PDSS2: variants seen among roughly 807,000 people sequenced by gnomAD.
PDSS2 encodes the protein decaprenyl diphosphate synthase subunit 2.
In PDSS2, 31 loss-of-function variants were observed where a neutral mutation model predicts 44.5. The ratio of observed to expected loss-of-function variants is 0.70; its 90% CI spans 0.52 to 0.94. The LOEUF is 0.94. PDSS2 is among the 40% of genes least tolerant of loss of function. The probability of loss-of-function intolerance (pLI) is 0.00; values close to 1 mark genes in which losing one functional copy is unlikely to be tolerated. For missense variants in PDSS2, 452 were observed against 482.2 expected (o/e 0.94, Z 0.59); for synonymous variants, 157 against 180.3 (o/e 0.87, Z 1.03).
chr6:107,318,707 C>T (rs377270237), intron 2 of PDSS2, among the ~76,000 whole-genome samples: 4 of 152,076 alleles, frequency 2.6e-5, no homozygotes, highest in Middle Eastern at 3.2e-3. Context: ...GTTCATCGGC[C>T]GGGCACGGTG....
At chr6:107,336,699 C>G (rs566047400) in intron 1 of PDSS2, among the ~76,000 whole-genome samples, 4 of 151,498 alleles carry the variant, frequency 2.6e-5, no homozygotes, top group African/African-American at 9.7e-5. Context: ...CAACTTTTAA[C>G]TTAGGCTACT....
chr6:107,407,135 T>C (rs1780346418), intron 1 of PDSS2, among the ~76,000 whole-genome samples: 1 of 152,204 alleles, frequency 6.6e-6, no homozygotes, highest in East Asian at 1.9e-4. Context: ...AAAGAAATTC[T>C]GATATATGCT....
intron 2 of PDSS2, among the ~76,000 whole-genome samples, chr6:107,287,530 T>C (rs949352035): frequency 6.6e-6 from 1 of 152,224 alleles, no homozygotes; most frequent in African/African-American, 2.4e-5. Context: ...ATTTTCATTT[T>C]ATTTTTTTTG....
intron 1 of PDSS2, among the ~76,000 whole-genome samples, chr6:107,347,347 GGGTTCAAGCGATTCTCCC>G (rs1332800915): frequency 6.8e-6 from 1 of 146,780 alleles, no homozygotes; most frequent in African/African-American, 2.5e-5. Flanking sequence ...TCCACATCCC[GGGTTCAAGCGATTCTCCC>G]GATTCAAGCG....
chr6:107,305,647 T>G (rs1056572094), intron 2 of PDSS2, among the ~76,000 whole-genome samples: 2 of 151,778 alleles, frequency 1.3e-5, no homozygotes, highest in African/African-American at 4.8e-5. Context: ...AAGTATCTAC[T>G]GGGCAGCAGA....
intron 1 of PDSS2, among the ~76,000 whole-genome samples, chr6:107,436,313 G>A (rs1781348077): frequency 6.6e-6 from 1 of 152,140 alleles, no homozygotes; most frequent in Non-Finnish European, 1.5e-5. Flanking sequence ...GTAGTAATGA[G>A]CAACATGAGA....
intron 1 of PDSS2, among the ~76,000 whole-genome samples, chr6:107,426,712 T>C (rs1018896782): frequency 6.6e-6 from 1 of 152,184 alleles, no homozygotes; most frequent in African/African-American, 2.4e-5. Context: ...GTGACCTGAA[T>C]GCAAGACATG....
chr6:107,295,225 C>T (rs532100385), intron 2 of PDSS2, among the ~76,000 whole-genome samples: 17 of 152,274 alleles, frequency 1.1e-4, no homozygotes, highest in Admixed American at 8.5e-4. Context: ...TGAGCCACCG[C>T]GCCCGGCCAG....
At chr6:107,325,354 A>T (rs1038639035) in intron 2 of PDSS2, among the ~76,000 whole-genome samples, 5 of 152,188 alleles carry the variant, frequency 3.3e-5, no homozygotes, top group African/African-American at 1.2e-4. Flanking sequence ...TCCATTTAAA[A>T]GTCAGAAAAT....
At chr6:107,241,702 T>C (rs1334181654) in intron 4 of PDSS2, among the ~76,000 whole-genome samples, 1 of 152,302 alleles carries the variant, frequency 6.6e-6, no homozygotes, top group Non-Finnish European at 1.5e-5. Context: ...TCCAATTCCC[T>C]TGCATTTTTT....
chr6:107,345,159 C>T (rs1263060159), intron 1 of PDSS2, among the ~76,000 whole-genome samples: 1 of 151,792 alleles, frequency 6.6e-6, no homozygotes, highest in East Asian at 1.9e-4. Flanking sequence ...ATTACACCTC[C>T]CACTACCACA....
At chr6:107,253,831 G>C (rs757286461) in intron 3 of PDSS2, among the ~76,000 whole-genome samples, 2 of 151,890 alleles carry the variant, frequency 1.3e-5, no homozygotes, top group African/African-American at 4.8e-5. Flanking sequence ...CAACAATTAG[G>C]TTCCTGAAAA....
At chr6:107,240,350 A>AACT (rs1774377288) in intron 4 of PDSS2, among the ~76,000 whole-genome samples, 2 of 151,192 alleles carry the variant, frequency 1.3e-5, no homozygotes, top group African/African-American at 2.4e-5. Flanking sequence ...TCAGTGAGCT[A>AACT]GGATGACACC....
chr6:107,364,807 T>C (rs1778913465), intron 1 of PDSS2, among the ~76,000 whole-genome samples: 1 of 152,186 alleles, frequency 6.6e-6, no homozygotes, highest in South Asian at 2.1e-4. Context: ...CTGTCACCTC[T>C]CAAAATCCTG....
chr6:107,163,055 T>C (rs1554246978), intron 7 of PDSS2, among the ~76,000 whole-genome samples: 1 of 152,250 alleles, frequency 6.6e-6, no homozygotes, highest in African/African-American at 2.4e-5. Context: ...GACACTTTAA[T>C]CTTTTTTCTG....
In PDSS2 at chr6:107,188,170, G is replaced by C. The variant is rs1435283318; in HGVS notation, c.1041+5652C>G. Among the ~76,000 whole-genome samples the C allele has an allele frequency of 4.6e-5, 7 of 152,074 alleles. No homozygotes were observed. In the East Asian group the frequency reaches 1.4e-3, roughly 29 times the overall value. On this transcript the variant is annotated intron_variant, in intron 7 of 7. Coordinates refer to ENST00000369037, the MANE Select transcript of PDSS2 (RefSeq NM_020381.4). ...GGCGGGCAGATCGCTTTGAGTTCAG[G>C]AGTTCGAGACCAGCCTGAGCAATGT...
intron 3 of PDSS2, among the ~76,000 whole-genome samples, chr6:107,251,081 CCT>C (rs2114830612): frequency 6.6e-6 from 1 of 152,270 alleles, no homozygotes; most frequent in Admixed American, 6.5e-5. Context: ...GTCTCGGACC[CCT>C]GACCTTGTGA....
intron 7 of PDSS2, among the ~76,000 whole-genome samples, chr6:107,165,674 T>C (rs1205813990): frequency 1.3e-5 from 2 of 152,044 alleles, no homozygotes; most frequent in Admixed American, 6.6e-5. Context: ...ATATGAACTT[T>C]AAAGTAGTTT....
chr6:107,439,345 T>C (rs939475563), intron 1 of PDSS2, among the ~76,000 whole-genome samples: 1 of 152,230 alleles, frequency 6.6e-6, no homozygotes, highest in Non-Finnish European at 1.5e-5. Flanking sequence ...GCAACCTAGC[T>C]GTCCATCATG....
Sources: gnomAD v4.1 joint callset for allele counts (sites outside exome capture counted in the v4.1 genomes callset) on GRCh38, gnomAD v4.1.1 for gene constraint, MANE v1.5 for transcripts, NCBI Gene and HGNC (gene_info 2026-07-23, HGNC 2026-07-21) for gene names.